Variants in RUNX2 observed in about 807,000 individuals in gnomAD.
RUNX2 encodes RUNX family transcription factor 2.
RUNX2 carries 10 observed loss-of-function variants against 51.7 expected under a neutral mutation model. The observed-to-expected ratio is 0.19, with a 90% confidence interval of 0.12 to 0.33. RUNX2 has a LOEUF of 0.33. Ranked by LOEUF, RUNX2 falls within the 10% of genes least tolerant of loss-of-function variation. The probability of loss-of-function intolerance (pLI) is 1.00; values close to 1 mark genes in which losing one functional copy is unlikely to be tolerated. For missense variants in RUNX2, 562 were observed against 691.3 expected, an observed-to-expected ratio of 0.81 and a Z score of 2.10; for synonymous variants, 276 against 273.6, an observed-to-expected ratio of 1.01 and a Z score of -0.09.
chr6:45,426,592 T>G (rs73737414), intron 3 of RUNX2, among the ~76,000 whole-genome samples: 1 of 152,226 alleles, frequency 6.6e-6, no homozygotes, highest in African/African-American at 2.4e-5. Flanking sequence ...ATTTTAAAAC[T>G]AAAAGTAGTT....
intron 7 of RUNX2, among the ~76,000 whole-genome samples, chr6:45,517,661 C>A (rs1801373714): frequency 6.6e-6 from 1 of 152,076 alleles, no homozygotes; most frequent in South Asian, 2.1e-4. Flanking sequence ...CTCAACTGCA[C>A]AGGACTATTG....
At chr6:45,440,175 A>T (rs1202558057) in intron 5 of RUNX2, among the ~76,000 whole-genome samples, 2 of 152,212 alleles carry the variant, frequency 1.3e-5, no homozygotes, top group Non-Finnish European at 2.9e-5. Flanking sequence ...GACTTGACGA[A>T]GTCAGTGTCT....
intron 2 of RUNX2, among the ~76,000 whole-genome samples, chr6:45,395,519 A>G (rs1797562383): frequency 6.6e-6 from 1 of 152,222 alleles, no homozygotes; most frequent in Non-Finnish European, 1.5e-5. Context: ...AAACATAAGA[A>G]GAGAGTAAAA....
chr6:45,397,191 C>T (rs1424436901), intron 2 of RUNX2, among the ~76,000 whole-genome samples: 2 of 151,652 alleles, frequency 1.3e-5, no homozygotes, highest in African/African-American at 2.4e-5. Context: ...GCAAGCTCTG[C>T]CTCCAGGGTT....
chr6:45,447,847 A>G (rs1298827291), intron 5 of RUNX2, among the ~76,000 whole-genome samples: 2 of 152,304 alleles, frequency 1.3e-5, no homozygotes, highest in East Asian at 3.9e-4. Context: ...AAACTCTCAG[A>G]GAGTTTTTAT....
chr6:45,492,359 C>T (rs551021199), intron 6 of RUNX2, among the ~76,000 whole-genome samples: 1 of 151,964 alleles, frequency 6.6e-6, no homozygotes, highest in Non-Finnish European at 1.5e-5. Context: ...CAGTCTACAC[C>T]CTGGTGGAAC....
At chr6:45,420,312 G>T (rs2150360656) in intron 2 of RUNX2, among the ~76,000 whole-genome samples, 1 of 152,300 alleles carries the variant, frequency 6.6e-6, no homozygotes, top group South Asian at 2.1e-4. Context: ...TGCTCTCAGA[G>T]CCCTTCCAGG....
chr6:45,524,237 A>G (rs1235300960), intron 7 of RUNX2, among the ~76,000 whole-genome samples: 1 of 152,260 alleles, frequency 6.6e-6, no homozygotes, highest in African/African-American at 2.4e-5. Flanking sequence ...ATATGACTCA[A>G]TAAATTAATG....
chr6:45,371,612 A>G (rs1796085263), intron 2 of RUNX2, among the ~76,000 whole-genome samples: 1 of 152,218 alleles, frequency 6.6e-6, no homozygotes, highest in Admixed American at 6.5e-5. Flanking sequence ...AAAGATCTCT[A>G]TCTCCTAAAA....
chr6:45,425,562 C>A (rs554330201), intron 3 of RUNX2, among the ~76,000 whole-genome samples: 1 of 152,092 alleles, frequency 6.6e-6, no homozygotes, highest in African/African-American at 2.4e-5. Flanking sequence ...TATCAACATA[C>A]CTGTGTTAAA....
At chr6:45,506,100 G>C (rs956923012) in intron 6 of RUNX2, among the ~76,000 whole-genome samples, 5 of 152,164 alleles carry the variant, frequency 3.3e-5, no homozygotes, top group African/African-American at 1.2e-4. Context: ...GCAGATCTGA[G>C]GGGTCCAATA....
intron 2 of RUNX2, among the ~76,000 whole-genome samples, chr6:45,361,130 T>C: frequency 6.6e-6 from 1 of 152,142 alleles, no homozygotes; most frequent in South Asian, 2.1e-4. Context: ...TTTTTTAAAA[T>C]GCAAAAATTG....
chr6:45,515,393 A>G (rs1415056372), intron 7 of RUNX2, among the ~76,000 whole-genome samples: 1 of 152,206 alleles, frequency 6.6e-6, no homozygotes, highest in East Asian at 1.9e-4. Flanking sequence ...GATACTTCAT[A>G]TAAAGTGTTT....
At chr6:45,476,627 A>G (rs1257340938) in intron 5 of RUNX2, among the ~76,000 whole-genome samples, 1 of 152,194 alleles carries the variant, frequency 6.6e-6, no homozygotes, top group Non-Finnish European at 1.5e-5. Flanking sequence ...TGTTTAAAAT[A>G]ACATGACTAA....
chr6:45,473,416 A>T (rs1027089942), intron 5 of RUNX2, among the ~76,000 whole-genome samples: 4 of 152,130 alleles, frequency 2.6e-5, no homozygotes, highest in African/African-American at 9.7e-5. Flanking sequence ...ATAAGTTGTT[A>T]CTTAACTTGG....
At chr6:45,434,288 C>T (rs1798621396) in intron 4 of RUNX2, among the ~76,000 whole-genome samples, 1 of 152,166 alleles carries the variant, frequency 6.6e-6, no homozygotes, top group Admixed American at 6.5e-5. Context: ...ATAACAGACT[C>T]TTCCAGCTTC....
intron 5 of RUNX2, among the ~76,000 whole-genome samples, 178 bp from the exon 6 acceptor site, chr6:45,491,763 C>T (rs183834929): frequency 1.3e-5 from 2 of 151,848 alleles, no homozygotes; most frequent in East Asian, 3.9e-4. Context: ...TGCTGGCCAC[C>T]AGATACCGCT....
chr6:45,415,189 T>C (rs1033574324), intron 2 of RUNX2, among the ~76,000 whole-genome samples: 2 of 152,118 alleles, frequency 1.3e-5, no homozygotes, highest in South Asian at 2.1e-4. Flanking sequence ...AGAAACCATA[T>C]AGTAATTTGA....
chr6:45,359,842 A>G (rs1439785390), intron 2 of RUNX2, among the ~76,000 whole-genome samples: 2 of 152,152 alleles, frequency 1.3e-5, no homozygotes, highest in African/African-American at 4.8e-5. Context: ...CCAGAAGTTC[A>G]AGACCAGCCT....
Sources: gnomAD v4.1 joint callset for allele counts (sites outside exome capture counted in the v4.1 genomes callset) on GRCh38, gnomAD v4.1.1 for gene constraint, MANE v1.5 for transcripts, NCBI Gene and HGNC (gene_info 2026-07-23, HGNC 2026-07-21) for gene names.